Variants in KCNAB1 observed in about 807,000 individuals in gnomAD.
The protein encoded by KCNAB1 is voltage-gated potassium channel subunit beta-1.
KCNAB1 carries 35 observed loss-of-function variants against 64.6 expected under a neutral mutation model. The ratio of observed to expected loss-of-function variants is 0.54; its 90% CI spans 0.41 to 0.72. The LOEUF is 0.72. Ranked by LOEUF, KCNAB1 falls within the 30% of genes least tolerant of loss-of-function variation. The pLI, the probability that KCNAB1 is intolerant of heterozygous loss-of-function variation, is 0.00. For missense variants in KCNAB1, 401 were observed against 512.9 expected (o/e 0.78, Z 2.11); for synonymous variants, 177 against 183.8 (o/e 0.96, Z 0.30).
chr3:156,507,203 A>G (rs972470103), intron 8 of KCNAB1, among the ~76,000 whole-genome samples: 35 of 152,218 alleles, frequency 2.3e-4, no homozygotes, highest in Admixed American at 2.6e-4. Context: ...TTCTTCCTCA[A>G]CAAAATGGGA....
intron 1 of KCNAB1, among the ~76,000 whole-genome samples, chr3:156,388,733 T>C (rs988178121): frequency 6.6e-6 from 1 of 152,216 alleles, no homozygotes; most frequent in Non-Finnish European, 1.5e-5. Context: ...CTCACATGCC[T>C]CACATCCTGT....
intron 2 of KCNAB1, among the ~76,000 whole-genome samples, chr3:156,439,117 C>T (rs1373477578): frequency 6.6e-6 from 1 of 151,558 alleles, no homozygotes; most frequent in Non-Finnish European, 1.5e-5. Context: ...ACTCAAATCA[C>T]AGATTGGTCG....
At chr3:156,370,935 A>T (rs1726263051) in intron 1 of KCNAB1, among the ~76,000 whole-genome samples, 1 of 152,188 alleles carries the variant, frequency 6.6e-6, no homozygotes, top group South Asian at 2.1e-4. Context: ...CAGTTCATAT[A>T]GCCTTCTCAC....
At position 156,174,011 on chromosome 3, in the gene KCNAB1, C is replaced by T. The variant is rs116694384; in HGVS notation, c.275+53125C>T. Among the ~76,000 whole-genome samples, 780 of 152,288 alleles carry T rather than the reference C, an allele frequency of 5.1e-3. 7 individuals carry two copies. Among genetic ancestry groups the T allele is most frequent in the African/African-American group, 0.018 (747 of 41,552 alleles). On this transcript the variant is annotated intron_variant, in intron 1 of 13. Transcript: ENST00000490337. ...CTCCTGGTCCTCAGGCCTTCAGACT[C>T]GTACTGGAACAACACCACCAACTTT...
chr3:156,201,917 C>A (rs1576600974), intron 1 of KCNAB1, among the ~76,000 whole-genome samples: 1 of 152,252 alleles, frequency 6.6e-6, no homozygotes, highest in South Asian at 2.1e-4. Flanking sequence ...ATGATCTAGG[C>A]CCCCAGGAGG....
intron 13 of KCNAB1, among the ~76,000 whole-genome samples, chr3:156,532,842 C>CA (rs148430078): frequency 6.6e-6 from 1 of 152,232 alleles, no homozygotes; most frequent in South Asian, 2.1e-4. Context: ...ACAGTTTGTA[C>CA]AAAAAAGAAC....
At chr3:156,194,467 A>G (rs1309714962) in intron 1 of KCNAB1, among the ~76,000 whole-genome samples, 1 of 152,012 alleles carries the variant, frequency 6.6e-6, no homozygotes, top group Non-Finnish European at 1.5e-5. Flanking sequence ...CTTTGAATAT[A>G]ATGTGTTTGT....
At chr3:156,229,071 A>G (rs1560148109) in intron 1 of KCNAB1, among the ~76,000 whole-genome samples, 1 of 152,218 alleles carries the variant, frequency 6.6e-6, no homozygotes, top group Non-Finnish European at 1.5e-5. Flanking sequence ...CCCTGAACAC[A>G]GTCTTTTTGA....
rs1215919083 is a variant in KCNAB1 at position 156,485,533 on chromosome 3, C to CT, written c.658+10719dup. 3.3e-5 allele frequency among the ~76,000 whole-genome samples: 5 copies of CT among 151,112 alleles called. No homozygotes were observed. In the East Asian group the frequency reaches 7.8e-4, roughly 24 times the overall value. ...TCCTTTATAGGATTTATTTGTTTTG[C>CT]TTTTTTGGGGGGGGCATGAATCCTG... On this transcript the variant is annotated intron_variant, in intron 8 of 13. Transcript: ENST00000490337.
intron 1 of KCNAB1, among the ~76,000 whole-genome samples, chr3:156,179,025 A>C (rs1452866729): frequency 1.4e-5 from 2 of 141,870 alleles, no homozygotes; most frequent in Admixed American, 1.5e-4. Context: ...AAAAAAAAAA[A>C]AATTGATTAT....
At chr3:156,462,723 A>C (rs1476902657) in intron 5 of KCNAB1, among the ~76,000 whole-genome samples, 1 of 152,216 alleles carries the variant, frequency 6.6e-6, no homozygotes, top group Non-Finnish European at 1.5e-5. Context: ...AGATGATGGA[A>C]TTATAAACGC....
intron 1 of KCNAB1, among the ~76,000 whole-genome samples, chr3:156,347,356 G>C (rs922748923): frequency 6.6e-6 from 1 of 152,226 alleles, no homozygotes; most frequent in African/African-American, 2.4e-5. Context: ...TAACAGGTGA[G>C]TTGAGGGCTT....
intron 1 of KCNAB1, among the ~76,000 whole-genome samples, chr3:156,211,583 T>C (rs1715009873): frequency 6.6e-6 from 1 of 152,188 alleles, no homozygotes; most frequent in Admixed American, 6.5e-5. Context: ...AGCACTATTG[T>C]GGAAAAGGCA....
intron 1 of KCNAB1, among the ~76,000 whole-genome samples, chr3:156,414,387 A>G (rs1714906701): frequency 6.6e-6 from 1 of 152,220 alleles, no homozygotes; most frequent in Admixed American, 6.5e-5. Flanking sequence ...TGATCTAGTA[A>G]TACATACACT....
chr3:156,227,227 A>C (rs1716234003), intron 1 of KCNAB1, among the ~76,000 whole-genome samples: 1 of 152,232 alleles, frequency 6.6e-6, no homozygotes, highest in South Asian at 2.1e-4. Flanking sequence ...GCAAGGAAAA[A>C]GTTCTTTTTT....
At chr3:156,287,361 A>C (rs1374221232) in intron 1 of KCNAB1, among the ~76,000 whole-genome samples, 1 of 151,884 alleles carries the variant, frequency 6.6e-6, no homozygotes, top group Non-Finnish European at 1.5e-5. Flanking sequence ...AAAAAAAAAA[A>C]AAAAAAACTA....
chr3:156,218,366 G>C (rs1715457573), intron 1 of KCNAB1, among the ~76,000 whole-genome samples: 1 of 152,214 alleles, frequency 6.6e-6, no homozygotes, highest in Admixed American at 6.5e-5. Flanking sequence ...GCTGAGCCCA[G>C]ACATGCCTAT....
At chr3:156,178,724 G>A (rs555472527) in intron 1 of KCNAB1, among the ~76,000 whole-genome samples, 21 of 151,966 alleles carry the variant, frequency 1.4e-4, no homozygotes, top group Admixed American at 2.0e-4. Flanking sequence ...TTTTTTGGCC[G>A]GGCGCGGTGG....
intron 1 of KCNAB1, among the ~76,000 whole-genome samples, chr3:156,340,388 C>T (rs1206694738): frequency 1.3e-5 from 2 of 152,184 alleles, no homozygotes; most frequent in Non-Finnish European, 2.9e-5. Flanking sequence ...GTGGGAGGGG[C>T]ATTGAGACCA....
Sources: gnomAD v4.1 joint callset for allele counts (sites outside exome capture counted in the v4.1 genomes callset) on GRCh38, gnomAD v4.1.1 for gene constraint, MANE v1.5 for transcripts, NCBI Gene and HGNC (gene_info 2026-07-23, HGNC 2026-07-21) for gene names.